The following ABHD12 variants were observed in gnomAD, a reference collection of about 807,000 sequenced individuals.
ABHD12 encodes abhydrolase domain containing 12, lysophospholipase, also known as lysophosphatidylserine lipase ABHD12.
ABHD12 carries 43 observed loss-of-function variants against 58.3 expected under a neutral mutation model. That is an observed-to-expected ratio of 0.74 (90% CI 0.58 to 0.95). ABHD12 has a LOEUF of 0.95. Ranked by LOEUF, ABHD12 falls within the 40% of genes least tolerant of loss-of-function variation. The probability of loss-of-function intolerance (pLI) is 0.00; values close to 1 mark genes in which losing one functional copy is unlikely to be tolerated. For synonymous variants in ABHD12, 219 were observed against 211.2 expected, an observed-to-expected ratio of 1.04 and a Z score of -0.32; for missense variants, 539 against 537.2, an observed-to-expected ratio of 1.00 and a Z score of -0.03.
At chr20:25,318,663 C>CTT (rs35288907) in intron 4 of ABHD12, among the ~76,000 whole-genome samples, 1 of 145,172 alleles carries the variant, frequency 6.9e-6, no homozygotes, top group Non-Finnish European at 1.5e-5. Context: ...TAGGCAGGAT[C>CTT]TTTTTTTTTT....
downstream of ABHD12, chr20:25,295,504 G>C: frequency 7.3e-7 from 1 of 1,377,046 alleles, no homozygotes; most frequent in Non-Finnish European, 1.0e-6. Flanking sequence ...GACAGGACCA[G>C]GTGGATGGTG....
At chr20:25,340,430 T>C (rs188817192) in intron 1 of ABHD12, among the ~76,000 whole-genome samples, 93 of 152,326 alleles carry the variant, frequency 6.1e-4, no homozygotes, top group African/African-American at 2.1e-3. Flanking sequence ...TGAATCCACA[T>C]ATCATGTGTC....
chr20:25,367,678 T>A (rs2089842033), intron 1 of ABHD12, among the ~76,000 whole-genome samples: 1 of 152,234 alleles, frequency 6.6e-6, no homozygotes, highest in African/African-American at 2.4e-5. Context: ...ACTTGTCTTT[T>A]TGTGACTGGC....
chr20:25,373,141 T>C (rs1381863782), intron 1 of ABHD12, among the ~76,000 whole-genome samples: 1 of 152,198 alleles, frequency 6.6e-6, no homozygotes, highest in Non-Finnish European at 1.5e-5. Context: ...TACACTCTGA[T>C]CTTCGCGTGA....
chr20:25,349,461 A>G (rs879480720), intron 1 of ABHD12, among the ~76,000 whole-genome samples: 1 of 152,232 alleles, frequency 6.6e-6, no homozygotes. Context: ...AGCATTATTC[A>G]TAATAGTCAA....
In ABHD12 at chr20:25,302,307, A is replaced by C. The variant is rs1184104065; in HGVS notation, c.1069T>G (p.Phe357Val). ...IAAPARSFRD[F>V]KVQFVPFHSD... ...TGAAAGGGCACAAACTGAACTTTGA[A>C]ATCTCGGAAGCTTCGAGCTGGTGCG... Residue 357 changes from phenylalanine to valine, a missense_variant, in exon 12 of 13, where the codon TTC becomes GTC. Transcript: ENST00000339157. The C allele has an allele frequency of 1.9e-6, 3 of 1,613,830 alleles. No homozygotes were observed. The highest frequency in any genetic ancestry group is 2.5e-6 in the Non-Finnish European group (3 of 1,179,990).
chr20:25,335,270 C>T (rs2089344852), intron 2 of ABHD12, among the ~76,000 whole-genome samples: 2 of 151,962 alleles, frequency 1.3e-5, no homozygotes, highest in South Asian at 4.2e-4. Flanking sequence ...CCATTTCACA[C>T]CAGTTAGAAT....
intron 1 of ABHD12, among the ~76,000 whole-genome samples, chr20:25,344,302 T>C (rs1266842697): frequency 6.6e-6 from 1 of 152,232 alleles, no homozygotes; most frequent in African/African-American, 2.4e-5. Context: ...TCTATGTATG[T>C]AGAAGATCTA....
In ABHD12 at chr20:25,339,313, A is replaced by G. The variant is rs2089422737; in HGVS notation, c.230T>C (p.Phe77Ser). The change falls in exon 2 of 13, where the codon TTC becomes TCC. Residue 77 changes from phenylalanine (F) to serine (S), a missense_variant. Coordinates refer to ENST00000339157, the MANE Select transcript of ABHD12 (RefSeq NM_001042472.3). Reference sequence around the variant, plus strand: ...GGCAATGTACAACCCCAAAACACAGAAAAGTATCTTCCTCAGGCGCAACCA... The same window carrying G: ...GGCAATGTACAACCCCAAAACACAGGAAAGTATCTTCCTCAGGCGCAACCA... Reference protein sequence around the residue: ...GVWLRLRKILFCVLGLYIAIP... With the variant: ...GVWLRLRKILSCVLGLYIAIP... 3.1e-6 allele frequency: 5 copies of G among 1,614,192 alleles called. No homozygotes were observed. Among genetic ancestry groups the G allele is most frequent in the Admixed American group, 3.3e-5 (2 of 60,030 alleles).
rs375955961 is a variant in ABHD12 at position 25,307,916 on chromosome 20, T to C, written c.867+50A>G. 1.7e-4 allele frequency: 156 copies of C among 945,436 alleles called. No individual in the cohort carries two copies. The East Asian group carries it at 3.2e-3, about 20-fold the overall frequency. The allele number at this position is 945,436 out of a possible 1,614,324, so 58.6% of individuals were successfully genotyped here. ...TGTATCCTGTAATTAGTTATTTCTA[T>C]AATTTATCTTAATAATGAAAAGTTA... On this transcript the variant is annotated intron_variant, in intron 9 of 12. Transcript: ENST00000339157.
intron 1 of ABHD12, among the ~76,000 whole-genome samples, chr20:25,361,853 G>T (rs2089752995): frequency 6.6e-6 from 1 of 152,114 alleles, no homozygotes; most frequent in African/African-American, 2.4e-5. Context: ...TACTCGGGAG[G>T]TTGAGGCAGG....
At chr20:25,377,556 A>G (rs2089975731) in intron 1 of ABHD12, among the ~76,000 whole-genome samples, 1 of 152,150 alleles carries the variant, frequency 6.6e-6, no homozygotes, top group African/African-American at 2.4e-5. Context: ...GGAGATGGCC[A>G]CACTGCCTTT....
chr20:25,385,712 A>G (rs199535828), intron 1 of ABHD12, among the ~76,000 whole-genome samples: 4 of 136,650 alleles, frequency 2.9e-5, no homozygotes, highest in Non-Finnish European at 4.8e-5. Context: ...TAAATAAATA[A>G]ATAGAAAGGC....
downstream of ABHD12, among the ~76,000 whole-genome samples, chr20:25,295,876 C>T (rs1196528382): frequency 1.3e-5 from 2 of 152,224 alleles, no homozygotes; most frequent in African/African-American, 4.8e-5. Flanking sequence ...AAAAACAGCT[C>T]CTAATGGCCA....
intron 1 of ABHD12, among the ~76,000 whole-genome samples, chr20:25,341,849 A>G (rs373537367): frequency 6.6e-6 from 1 of 152,162 alleles, no homozygotes; most frequent in African/African-American, 2.4e-5. Context: ...AAAGCCTGCA[A>G]TCAAGTGTGC....
At chr20:25,347,027 G>A (rs1172142701) in intron 1 of ABHD12, among the ~76,000 whole-genome samples, 3 of 152,192 alleles carry the variant, frequency 2.0e-5, no homozygotes, top group Admixed American at 2.0e-4. Context: ...CAGAAAACCT[G>A]AAGCACAGGA....
intron 1 of ABHD12, among the ~76,000 whole-genome samples, chr20:25,369,523 T>G (rs923638553): frequency 5.9e-5 from 9 of 152,164 alleles, no homozygotes; most frequent in Admixed American, 5.2e-4. Context: ...CTTTAGGGTT[T>G]GCTGCAGCAG....
At chr20:25,368,470 C>G in intron 1 of ABHD12, 1 of 1,583,846 alleles carries the variant, frequency 6.3e-7, no homozygotes, top group Admixed American at 1.7e-5. Flanking sequence ...CAGCATTTGC[C>G]ATGGACAAGA....
At chr20:25,380,007 T>A (rs570824507) in intron 1 of ABHD12, among the ~76,000 whole-genome samples, 2 of 152,288 alleles carry the variant, frequency 1.3e-5, no homozygotes, top group East Asian at 3.9e-4. Context: ...TACAGGTGTG[T>A]GCCACCGCAC....
Sources: allele counts gnomAD v4.1 joint callset (sites outside exome capture counted in the v4.1 genomes callset), GRCh38; gene constraint gnomAD v4.1.1; transcripts MANE v1.5; gene names NCBI Gene and HGNC (gene_info 2026-07-23, HGNC 2026-07-21).